COL25A1: variants seen among roughly 807,000 people sequenced by gnomAD.
The protein encoded by COL25A1 is collagen alpha-1(XXV) chain.
COL25A1 carries 103 observed loss-of-function variants against 128.4 expected under a neutral mutation model. The observed-to-expected ratio is 0.80, with a 90% CI of 0.68 to 0.94. The LOEUF is 0.94. Ranked by LOEUF, COL25A1 falls within the 40% of genes least tolerant of loss-of-function variation. COL25A1 has a pLI of 0.00. For missense variants in COL25A1, 745 were observed against 840.0 expected, an observed-to-expected ratio of 0.89 and a Z score of 1.40; for synonymous variants, 279 against 277.2, an observed-to-expected ratio of 1.01 and a Z score of -0.06.
intron 5 of COL25A1, among the ~76,000 whole-genome samples, chr4:109,043,640 T>G (rs3096471): frequency 0.5 from 76,415 of 151,904 alleles, 21,323 homozygotes; most frequent in African/African-American, 0.73. Context: ...CTTGCTTGAT[T>G]CTGTGACCTG....
At chr4:109,070,839 T>C (rs903404514) in intron 3 of COL25A1, among the ~76,000 whole-genome samples, 13 of 152,120 alleles carry the variant, frequency 8.5e-5, no homozygotes, top group Non-Finnish European at 1.6e-4. Context: ...TCCAGCTTCA[T>C]CCACGTCCCA....
rs190972188 is a variant in COL25A1 at position 109,136,036 on chromosome 4, T to C, written c.368-85857A>G. Among the ~76,000 whole-genome samples the C allele has an allele frequency of 3.9e-3, 594 of 152,326 alleles. 4 individuals carry two copies. The highest frequency in any genetic ancestry group is 6.8e-3 in the Middle Eastern group (2 of 294). On this transcript the variant is annotated intron_variant, in intron 3 of 37. Transcript: ENST00000399132. ...TCAACAAATATTACTACATGCTTAG[T>C]ATTGTGCCAGGCAGAAGCCCTGGTG... is the stretch of plus-strand genomic sequence containing the variant.
At chr4:108,819,901 G>C (rs1334652539) in intron 35 of COL25A1, 2 of 1,204,954 alleles carry the variant, frequency 1.7e-6, no homozygotes, top group African/African-American at 1.6e-5. Context: ...TTTTCCCCCT[G>C]TGGATACAAG....
At chr4:109,037,965 T>C (rs1759516274) in intron 5 of COL25A1, among the ~76,000 whole-genome samples, 1 of 152,018 alleles carries the variant, frequency 6.6e-6, no homozygotes. Flanking sequence ...ATATGAAAGC[T>C]GAATCAAGGA....
chr4:109,062,552 T>C (rs979357167), intron 3 of COL25A1, among the ~76,000 whole-genome samples: 3 of 152,072 alleles, frequency 2.0e-5, no homozygotes, highest in Admixed American at 1.3e-4. Flanking sequence ...GACAGTTGTA[T>C]AAGTAAAATA....
intron 3 of COL25A1, among the ~76,000 whole-genome samples, chr4:109,190,321 A>G (rs1467751181): frequency 6.6e-6 from 1 of 152,192 alleles, no homozygotes; most frequent in African/African-American, 2.4e-5. Context: ...AATTTAAGAG[A>G]CCAATGCCCA....
chr4:108,901,070 C>G, intron 14 of COL25A1, 49 bp downstream of exon 14: 1 of 1,401,268 alleles, frequency 7.1e-7, no homozygotes, highest in Admixed American at 1.7e-5. Context: ...TTACAATTTC[C>G]TGACAATTCG....
At chr4:108,955,546 A>C (rs1749975485) in intron 8 of COL25A1, among the ~76,000 whole-genome samples, 1 of 152,098 alleles carries the variant, frequency 6.6e-6, no homozygotes, top group Non-Finnish European at 1.5e-5. Flanking sequence ...GAATATCTTG[A>C]TTACAAATAA....
At chr4:108,965,596 T>C (rs1482627604) in intron 8 of COL25A1, among the ~76,000 whole-genome samples, 1 of 152,182 alleles carries the variant, frequency 6.6e-6, no homozygotes, top group Non-Finnish European at 1.5e-5. Flanking sequence ...AAAAGAAATA[T>C]GAGCCATTAT....
intron 3 of COL25A1, among the ~76,000 whole-genome samples, chr4:109,117,195 C>T (rs3108951): frequency 1.2e-3 from 181 of 152,020 alleles, no homozygotes; most frequent in African/African-American, 4.2e-3. Flanking sequence ...CCTAGGTATA[C>T]ATATCACATT....
intron 8 of COL25A1, among the ~76,000 whole-genome samples, chr4:108,947,455 AAAAGAAAAAG>A (rs1748906166): frequency 1.3e-5 from 2 of 151,464 alleles, no homozygotes; most frequent in Non-Finnish European, 2.9e-5. Context: ...AAAAAAAAGA[AAAAGAAAAAG>A]AAAGAAAAGA....
chr4:109,211,801 A>C (rs973752796), intron 3 of COL25A1, among the ~76,000 whole-genome samples: 2 of 152,100 alleles, frequency 1.3e-5, no homozygotes, highest in African/African-American at 4.8e-5. Flanking sequence ...CAAAGATCCA[A>C]CTGGAGCTTC....
At chr4:109,124,562 T>C (rs1055118727) in intron 3 of COL25A1, among the ~76,000 whole-genome samples, 1 of 152,034 alleles carries the variant, frequency 6.6e-6, no homozygotes. Flanking sequence ...CAGCTTCTAA[T>C]CTTTCATTGC....
chr4:109,059,358 A>G lies in COL25A1; in HGVS notation c.368-9179T>C, dbSNP rs189675961. Among the ~76,000 whole-genome samples the G allele has an allele frequency of 1.7e-3, 257 of 152,348 alleles. 1 individual carries two copies. Among genetic ancestry groups the G allele is most frequent in the Non-Finnish European group, 2.1e-3 (146 of 68,028 alleles). ...CTGACTCTTGGATTACAAATGCTGA[A>G]ACTAACAATTTGGTCACTTATTAAA... is the stretch of plus-strand genomic sequence containing the variant. On this transcript the variant is annotated intron_variant, in intron 3 of 37. Transcript: ENST00000399132.
intron 22 of COL25A1, 137 bp downstream of exon 22, chr4:108,862,363 CT>C: frequency 1.4e-6 from 1 of 704,930 alleles, no homozygotes; most frequent in South Asian, 1.8e-5. Context: ...ACTGCAATCC[CT>C]TTTGCAATAA....
At chr4:108,840,369 C>G (rs1370340400) in intron 31 of COL25A1, among the ~76,000 whole-genome samples, 1 of 151,944 alleles carries the variant, frequency 6.6e-6, no homozygotes, top group Non-Finnish European at 1.5e-5. Flanking sequence ...CTCTTCTGAC[C>G]CCCCCTCCCA....
intron 3 of COL25A1, among the ~76,000 whole-genome samples, chr4:109,265,543 G>A (rs1379656548): frequency 6.6e-6 from 1 of 151,048 alleles, no homozygotes; most frequent in Non-Finnish European, 1.5e-5. Flanking sequence ...GTGTGTGTGT[G>A]TGTGTGTGTG....
chr4:109,295,093 C>G (rs1044576154), intron 3 of COL25A1, among the ~76,000 whole-genome samples: 7 of 152,076 alleles, frequency 4.6e-5, no homozygotes, highest in Non-Finnish European at 8.8e-5. Context: ...GAATTAAACT[C>G]TATGCAGAAT....
chr4:108,870,688 A>T (rs1200359306), intron 19 of COL25A1, among the ~76,000 whole-genome samples: 5 of 152,234 alleles, frequency 3.3e-5, no homozygotes, highest in Admixed American at 3.3e-4. Flanking sequence ...AAACAAAAAC[A>T]TTATAAGGAA....
Sources: allele counts gnomAD v4.1 joint callset (sites outside exome capture counted in the v4.1 genomes callset), GRCh38; gene constraint gnomAD v4.1.1; transcripts MANE v1.5; gene names NCBI Gene and HGNC (gene_info 2026-07-23, HGNC 2026-07-21).